ST6GAL2: variants seen among roughly 807,000 people sequenced by gnomAD.
ST6GAL2 encodes beta-galactoside alpha-2,6-sialyltransferase 2.
In ST6GAL2, 24 loss-of-function variants were observed where a neutral mutation model predicts 37.5. The ratio of observed to expected loss-of-function variants is 0.64; its 90% CI spans 0.46 to 0.90. The LOEUF (loss-of-function observed/expected upper bound fraction) is 0.90, where lower values mean the gene tolerates loss of function less well. Among genes scored for constraint, ST6GAL2 ranks in the 40% least tolerant of loss-of-function variants. ST6GAL2 has a pLI of 0.00. For missense variants in ST6GAL2, 715 were observed against 712.7 expected, an observed-to-expected ratio of 1.00 and a Z score of -0.04; for synonymous variants, 306 against 295.1, an observed-to-expected ratio of 1.04 and a Z score of -0.38.
chr2:106,841,893 G>A (rs1676899941), intron 2 of ST6GAL2, among the ~76,000 whole-genome samples: 1 of 152,224 alleles, frequency 6.6e-6, no homozygotes, highest in Non-Finnish European at 1.5e-5. Flanking sequence ...GGCTAATGTT[G>A]TGTGCCATCT....
At chr2:106,880,065 T>A (rs1306611869) in intron 1 of ST6GAL2, among the ~76,000 whole-genome samples, 2 of 151,138 alleles carry the variant, frequency 1.3e-5, no homozygotes, top group Non-Finnish European at 2.9e-5. Flanking sequence ...ATTATATACA[T>A]ATCTATACAT....
intron 5 of ST6GAL2, among the ~76,000 whole-genome samples, chr2:106,829,860 T>C (rs1284092573): frequency 6.6e-6 from 1 of 152,052 alleles, no homozygotes; most frequent in Non-Finnish European, 1.5e-5. Flanking sequence ...GCATTTTGGA[T>C]TTTTGGATTA....
chr2:106,844,142 A>G (rs1160356795), intron 1 of ST6GAL2, 108 bp from the exon 2 acceptor site: 11 of 555,152 alleles, frequency 2.0e-5, no homozygotes, highest in African/African-American at 5.6e-5. Flanking sequence ...GTGGGGTTGT[A>G]GAAGGGGCAC....
rs778650793 is a variant in ST6GAL2 at position 106,830,110 on chromosome 2, G to T, written c.1274C>A (p.Thr425Asn). The change falls in exon 5 of 6, where the codon ACT (threonine) becomes AAT (asparagine). Residue 425 changes from threonine (T) to asparagine (N), a missense_variant. By Grantham distance (65) the Thr-to-Asn change is moderately conservative (BLOSUM62 0). This residue lies in a region of ST6GAL2 where 198 missense variants were observed against 203.6 expected (regional missense o/e 0.97). Coordinates refer to ENST00000409382, the MANE Select transcript of ST6GAL2 (RefSeq NM_001142351.2). The part of the protein sequence containing the change: ...WQLWDIIQEN[T>N]KEKIQPNPPS... The stretch of plus-strand genomic sequence containing the variant: ...TGGGTTTGGTTGAATCTTCTCTTTA[G>T]TGTTCTCCTGGATAATATCCCAGAG... 23 of 1,613,882 alleles carry T rather than the reference G, an allele frequency of 1.4e-5. No homozygotes were observed. In the East Asian group the frequency reaches 4.7e-4, roughly 33 times the overall value.
chr2:106,826,846 A>T (rs1457327827), intron 5 of ST6GAL2, among the ~76,000 whole-genome samples: 1 of 152,244 alleles, frequency 6.6e-6, no homozygotes, highest in Non-Finnish European at 1.5e-5. Context: ...AGCTATGTGT[A>T]TATACATGTA....
In ST6GAL2 at chr2:106,805,197, C is replaced by T. The variant is rs1286587700; in HGVS notation, c.*1481G>A. The T allele has an allele frequency of 6.6e-6, 1 of 152,206 alleles. No homozygotes were observed. Among genetic ancestry groups the T allele is most frequent in the Non-Finnish European group, 1.5e-5 (1 of 68,044 alleles). 9.4% of individuals were successfully genotyped at this position (152,206 alleles called of 1,614,324 possible). A position where few individuals can be genotyped will look rare whatever the true frequency, so the allele number is the denominator to read the frequency against. On this transcript the variant is annotated 3_prime_UTR_variant, in exon 6 of 6. Transcript: ENST00000409382. ...AAACAAAGAAAACTTTTCCACTAAACTCTCCTGACATTCATACATTTTGCA... is the reference window on the plus strand; with the variant it reads ...AAACAAAGAAAACTTTTCCACTAAATTCTCCTGACATTCATACATTTTGCA...
In ST6GAL2 at chr2:106,869,317, C is replaced by T. The variant is rs190756896; in HGVS notation, c.-58+16776G>A. On this transcript the variant is annotated intron_variant, in intron 1 of 5. Coordinates refer to ENST00000409382, the MANE Select transcript of ST6GAL2 (RefSeq NM_001142351.2). ...CAGCTTCCTTGTGCACAGAGCTTGT[C>T]TTCTTCCATTGAGATATTTGGACAA... Among the ~76,000 whole-genome samples the T allele has an allele frequency of 2.9e-3, 439 of 152,286 alleles. 2 individuals are homozygous for T. The highest frequency in any genetic ancestry group is 9.6e-3 in the African/African-American group (400 of 41,544).
chr2:106,842,525 C>G (rs1057453270), intron 2 of ST6GAL2, among the ~76,000 whole-genome samples: 14 of 152,214 alleles, frequency 9.2e-5, no homozygotes, highest in African/African-American at 3.4e-4. Flanking sequence ...CCAATATTAT[C>G]TTCATGCACC....
chr2:106,817,218 C>T (rs1675835944), intron 5 of ST6GAL2, among the ~76,000 whole-genome samples: 1 of 152,222 alleles, frequency 6.6e-6, no homozygotes, highest in South Asian at 2.1e-4. Flanking sequence ...GGCATGTGAC[C>T]TGGCGAGACA....
intron 5 of ST6GAL2, among the ~76,000 whole-genome samples, chr2:106,821,790 C>T (rs796165417): frequency 9.2e-5 from 14 of 152,024 alleles, no homozygotes; most frequent in African/African-American, 2.7e-4. Flanking sequence ...TTGAATTCAA[C>T]GACACATTAA....
intron 2 of ST6GAL2, among the ~76,000 whole-genome samples, chr2:106,842,240 C>G (rs868523261): frequency 2.6e-5 from 4 of 152,188 alleles, no homozygotes; most frequent in African/African-American, 9.7e-5. Flanking sequence ...GACACATATC[C>G]TCCTGGTGTG....
At chr2:106,852,251 C>G (rs573560728) in intron 1 of ST6GAL2, among the ~76,000 whole-genome samples, 1 of 152,188 alleles carries the variant, frequency 6.6e-6, no homozygotes, top group East Asian at 1.9e-4. Flanking sequence ...TACAGTCCTG[C>G]GGGATTGCCA....
chr2:106,840,587 G>A (rs1676836392), intron 2 of ST6GAL2, among the ~76,000 whole-genome samples: 1 of 152,196 alleles, frequency 6.6e-6, no homozygotes, highest in African/African-American at 2.4e-5. Flanking sequence ...TTCTTCAGTT[G>A]TGATTCTACA....
chr2:106,803,152 C>T lies in ST6GAL2; in HGVS notation c.*3526G>A, dbSNP rs1003644253. ...TACTTTGATTTCCTAATTTTGAAAACGCTAATGATTATTTTAGCATTTCTT... is the reference window on the plus strand; with the variant it reads ...TACTTTGATTTCCTAATTTTGAAAATGCTAATGATTATTTTAGCATTTCTT... On this transcript the variant is annotated 3_prime_UTR_variant, in exon 6 of 6. Transcript: ENST00000409382. 4 of 152,176 alleles carry T rather than the reference C, an allele frequency of 2.6e-5. No homozygotes were observed. The highest frequency in any genetic ancestry group is 1.9e-4 in the East Asian group (1 of 5,192). The allele number at this position is 152,176 out of a possible 1,614,324, so 9.4% of individuals were successfully genotyped here. A position where few individuals can be genotyped will look rare whatever the true frequency, so the allele number is the denominator to read the frequency against.
chr2:106,823,115 G>T (rs919422937), intron 5 of ST6GAL2: 1 of 151,980 alleles, frequency 6.6e-6, no homozygotes, highest in Non-Finnish European at 1.5e-5. Context: ...GAAACTTATT[G>T]TTCTTTCTCT....
intron 1 of ST6GAL2, among the ~76,000 whole-genome samples, chr2:106,847,134 T>C (rs1242086902): frequency 1.3e-5 from 2 of 152,254 alleles, no homozygotes; most frequent in African/African-American, 2.4e-5. Flanking sequence ...AAATTGTCAC[T>C]GTGTGATATT....
At chr2:106,810,227 T>A (rs975510121) in intron 5 of ST6GAL2, among the ~76,000 whole-genome samples, 3 of 152,242 alleles carry the variant, frequency 2.0e-5, no homozygotes, top group African/African-American at 7.2e-5. Flanking sequence ...GATTTTGTCA[T>A]AGACTATGCA....
chr2:106,823,079 C>T (rs1558682659), intron 5 of ST6GAL2: 1 of 152,126 alleles, frequency 6.6e-6, no homozygotes, highest in Non-Finnish European at 1.5e-5. Context: ...TTCTTCAATG[C>T]TAGGTCAATG....
intron 1 of ST6GAL2, among the ~76,000 whole-genome samples, chr2:106,860,644 A>C (rs534319009): frequency 6.6e-6 from 1 of 152,290 alleles, no homozygotes; most frequent in East Asian, 1.9e-4. Context: ...CTGACTCCAT[A>C]AACACTCCAT....
Sources: gnomAD v4.1 joint callset for allele counts (sites outside exome capture counted in the v4.1 genomes callset) on GRCh38, gnomAD v4.1.1 for gene constraint, gnomAD v4.1.1 regional missense constraint, MANE v1.5 for transcripts, NCBI Gene and HGNC (gene_info 2026-07-23, HGNC 2026-07-21) for gene names.